Variants in MTMR7 observed in about 807,000 individuals in gnomAD.
The protein encoded by MTMR7 is phosphatidylinositol-3-phosphate phosphatase MTMR7.
MTMR7 carries 76 observed loss-of-function variants against 81.2 expected under a neutral mutation model. The ratio of observed to expected loss-of-function variants is 0.94; its 90% CI spans 0.78 to 1.13. MTMR7 has a LOEUF of 1.13. MTMR7 is among the 50% of genes most tolerant of loss of function. MTMR7 has a pLI of 0.00. For missense variants in MTMR7, 1,044 were observed against 820.0 expected, an observed-to-expected ratio of 1.27 and a Z score of -3.34; for synonymous variants, 372 against 289.8, an observed-to-expected ratio of 1.28 and a Z score of -2.88.
intron 10 of MTMR7, among the ~76,000 whole-genome samples, chr8:17,306,289 G>A (rs1817450882): frequency 6.6e-6 from 1 of 151,916 alleles, no homozygotes; most frequent in Non-Finnish European, 1.5e-5. Context: ...TAAAATAAAT[G>A]TTGCACTTTA....
chr8:17,342,847 G>A (rs2150543675), intron 5 of MTMR7, among the ~76,000 whole-genome samples: 1 of 152,196 alleles, frequency 6.6e-6, no homozygotes, highest in African/African-American at 2.4e-5. Context: ...TTCCTGACTG[G>A]TGGGGAGGAG....
intron 5 of MTMR7, among the ~76,000 whole-genome samples, chr8:17,342,474 G>A (rs1168439084): frequency 6.6e-6 from 1 of 152,120 alleles, no homozygotes; most frequent in Non-Finnish European, 1.5e-5. Context: ...TGCTTGTATT[G>A]CAGGGTTCCA....
intron 1 of MTMR7, among the ~76,000 whole-genome samples, chr8:17,407,828 T>A (rs1243123262): frequency 6.6e-6 from 1 of 152,186 alleles, no homozygotes; most frequent in Non-Finnish European, 1.5e-5. Context: ...AATTATTATT[T>A]GCTAAAGGAA....
chr8:17,305,701 TCA>T, intron 11 of MTMR7, 54 bp downstream of exon 11: 1 of 1,469,320 alleles, frequency 6.8e-7, no homozygotes, highest in South Asian at 1.2e-5. Context: ...CCTAAAATTC[TCA>T]GTCATCAAAA....
chr8:17,358,939 A>G (rs1819978786), intron 4 of MTMR7, among the ~76,000 whole-genome samples: 1 of 152,316 alleles, frequency 6.6e-6, no homozygotes, highest in Admixed American at 6.5e-5. Context: ...TTGTTGCCCA[A>G]GCTAGAGTGC....
chr8:17,355,498 G>A (rs1405626409), intron 4 of MTMR7, among the ~76,000 whole-genome samples: 1 of 151,720 alleles, frequency 6.6e-6, no homozygotes, highest in Non-Finnish European at 1.5e-5. Context: ...ATCATAACTG[G>A]TAAAAATATA....
intron 1 of MTMR7, among the ~76,000 whole-genome samples, chr8:17,402,795 G>A (rs1331970162): frequency 6.6e-6 from 1 of 152,078 alleles, no homozygotes; most frequent in African/African-American, 2.4e-5. Flanking sequence ...TTTTAGCTCT[G>A]TTTTTAGTTT....
intron 6 of MTMR7, among the ~76,000 whole-genome samples, chr8:17,334,073 C>G (rs960538924): frequency 2.0e-5 from 3 of 152,168 alleles, no homozygotes; most frequent in African/African-American, 7.2e-5. Flanking sequence ...GATTGGTAAT[C>G]TCCCTTAAAA....
At chr8:17,333,273 A>C (rs910884429) in intron 6 of MTMR7, among the ~76,000 whole-genome samples, 1 of 152,222 alleles carries the variant, frequency 6.6e-6, no homozygotes. Flanking sequence ...TTTTAAGACA[A>C]CTTATGTTCA....
chr8:17,310,940 G>A (rs147074062), intron 9 of MTMR7, among the ~76,000 whole-genome samples: 2 of 152,082 alleles, frequency 1.3e-5, no homozygotes, highest in African/African-American at 2.4e-5. Context: ...TGAAAGCAAC[G>A]TTACATTTGA....
intron 7 of MTMR7, among the ~76,000 whole-genome samples, chr8:17,322,054 T>C (rs1482332316): frequency 2.0e-5 from 3 of 152,204 alleles, no homozygotes; most frequent in Non-Finnish European, 4.4e-5. Flanking sequence ...GGGGTTGGTC[T>C]TTCTTGTACC....
chr8:17,353,163 G>C (rs982362488), intron 4 of MTMR7, among the ~76,000 whole-genome samples: 1 of 152,174 alleles, frequency 6.6e-6, no homozygotes, highest in Non-Finnish European at 1.5e-5. Context: ...GAACCTTGAG[G>C]ACATTAAATG....
intron 1 of MTMR7, among the ~76,000 whole-genome samples, chr8:17,404,495 G>C (rs559575702): frequency 6.6e-6 from 1 of 152,202 alleles, no homozygotes; most frequent in South Asian, 2.1e-4. Context: ...AGTACTATCA[G>C]TACTATTATT....
At chr8:17,344,633 A>G (rs1368474158) in intron 5 of MTMR7, among the ~76,000 whole-genome samples, 2 of 152,120 alleles carry the variant, frequency 1.3e-5, no homozygotes, top group African/African-American at 2.4e-5. Flanking sequence ...TGCAGCAGAA[A>G]GACCTGGCTT....
chr8:17,354,085 G>C (rs1819814964), intron 4 of MTMR7, among the ~76,000 whole-genome samples: 1 of 152,166 alleles, frequency 6.6e-6, no homozygotes, highest in Non-Finnish European at 1.5e-5. Context: ...GTGTCACTCA[G>C]CCCTCCAAGG....
chr8:17,339,583 T>C (rs538521185), intron 6 of MTMR7, among the ~76,000 whole-genome samples: 1 of 152,362 alleles, frequency 6.6e-6, no homozygotes, highest in African/African-American at 2.4e-5. Context: ...GTATCCATAG[T>C]CCATTCCTTT....
chr8:17,372,457 G>A (rs1030321756), intron 2 of MTMR7, among the ~76,000 whole-genome samples: 8 of 152,090 alleles, frequency 5.3e-5, no homozygotes, highest in East Asian at 1.9e-4. Flanking sequence ...GCGTGGTGGC[G>A]CGTGACTGTA....
At chr8:17,343,904 T>A (rs577828843) in intron 5 of MTMR7, among the ~76,000 whole-genome samples, 33 of 152,286 alleles carry the variant, frequency 2.2e-4, no homozygotes, top group African/African-American at 7.9e-4. Context: ...AGTATTACTA[T>A]TACTTGGCAG....
At chr8:17,315,467 T>C (rs1563325550) in intron 7 of MTMR7, among the ~76,000 whole-genome samples, 2 of 152,154 alleles carry the variant, frequency 1.3e-5, no homozygotes, top group Admixed American at 6.5e-5. Flanking sequence ...ACAGTGGACT[T>C]TGAGTGATAC....
Sources: gnomAD v4.1 joint callset for allele counts (sites outside exome capture counted in the v4.1 genomes callset) on GRCh38, gnomAD v4.1.1 for gene constraint, MANE v1.5 for transcripts, NCBI Gene and HGNC (gene_info 2026-07-23, HGNC 2026-07-21) for gene names.